Variants in TICAM2 observed in about 807,000 individuals in gnomAD.
TICAM2 encodes the protein TIR domain-containing adapter molecule 2.
A neutral mutation model predicts 7.3 loss-of-function variants in TICAM2; 8 were observed. The observed-to-expected ratio is 1.10, with a 90% CI of 0.65 to 1.99. TICAM2 has a LOEUF of 1.99. Ranked by LOEUF, TICAM2 falls within the 30% of genes most tolerant of loss-of-function variation. TICAM2 has a pLI of 0.00. For missense variants in TICAM2, 304 were observed against 278.8 expected, an observed-to-expected ratio of 1.09 and a Z score of -0.65; for synonymous variants, 113 against 99.6, an observed-to-expected ratio of 1.13 and a Z score of -0.80.
In TICAM2 at chr5:115,579,174, C is replaced by CA. The variant is rs1305037449; in HGVS notation, c.*1374dup. The CA allele has an allele frequency of 3.9e-5, 6 of 152,644 alleles. No homozygotes were observed. In the South Asian group the frequency reaches 1.2e-3, roughly 32 times the overall value. 9.5% of individuals were successfully genotyped at this position (152,644 alleles called of 1,614,324 possible). A position where few individuals can be genotyped will look rare whatever the true frequency, so the allele number is the denominator to read the frequency against. On this transcript the variant is annotated 3_prime_UTR_variant, in exon 2 of 2. Coordinates refer to ENST00000427199, the MANE Select transcript of TICAM2 (RefSeq NM_021649.7). Reference sequence around the variant, plus strand: ...AAAAATAAATTATGCTGTCAATATACAAAAAATATCTTTTCATTATAAGCA... The same window carrying CA: ...AAAAATAAATTATGCTGTCAATATACAAAAAAATATCTTTTCATTATAAGCA...
intron 1 of TICAM2, among the ~76,000 whole-genome samples, chr5:115,600,449 A>G (rs942767877): frequency 3.3e-5 from 5 of 152,226 alleles, no homozygotes; most frequent in African/African-American, 7.2e-5. Flanking sequence ...AAGTATGGCT[A>G]GAAAAATATG....
chr5:115,587,954 G>A (rs952432060), intron 1 of TICAM2, among the ~76,000 whole-genome samples: 1 of 152,130 alleles, frequency 6.6e-6, no homozygotes, highest in African/African-American at 2.4e-5. Flanking sequence ...GAACAGGAGT[G>A]GCCCAGGAAC....
In TICAM2 at chr5:115,581,082, G is replaced by C. The variant is rs1754905308; in HGVS notation, c.175C>G (p.Gln59Glu). The change falls in exon 2 of 2, where the codon CAG becomes GAG. Residue 59 changes from glutamine (Q) to glutamate (E), a missense_variant. Coordinates refer to ENST00000427199, the MANE Select transcript of TICAM2 (RefSeq NM_021649.7). ...TCTTCCACGCTCTGAGCTCCCTCCT[G>C]CTTTCCTGTTGGCCCCTCTGTTGTA... ...SNTTEGPTGK[Q>E]EGAQSVEEMF... The C allele has an allele frequency of 6.2e-7, 1 of 1,614,104 alleles. No individual in the cohort carries two copies. The highest frequency in any genetic ancestry group is 8.5e-7 in the Non-Finnish European group (1 of 1,180,012).
intron 1 of TICAM2, among the ~76,000 whole-genome samples, chr5:115,599,972 A>G (rs1434743266): frequency 2.0e-5 from 3 of 152,090 alleles, no homozygotes; most frequent in South Asian, 2.1e-4. Flanking sequence ...AAGACTGTAG[A>G]GGAGCAAGGG....
chr5:115,590,061 T>C (rs1472284929), intron 1 of TICAM2, among the ~76,000 whole-genome samples: 1 of 152,190 alleles, frequency 6.6e-6, no homozygotes, highest in East Asian at 1.9e-4. Flanking sequence ...ATTATGTGAA[T>C]ATAGGGTCTG....
At chr5:115,582,713 C>A (rs1334292887) in intron 1 of TICAM2, among the ~76,000 whole-genome samples, 1 of 152,132 alleles carries the variant, frequency 6.6e-6, no homozygotes, top group African/African-American at 2.4e-5. Context: ...AGACTATATT[C>A]CAGAGCATTT....
At chr5:115,599,657 C>A (rs996100248) in intron 1 of TICAM2, among the ~76,000 whole-genome samples, 3 of 152,118 alleles carry the variant, frequency 2.0e-5, no homozygotes, top group African/African-American at 7.2e-5. Flanking sequence ...CCTGAGGCAG[C>A]ATGCTAACAG....
chr5:115,580,415 T>G lies in TICAM2; in HGVS notation c.*134A>C. The stretch of plus-strand genomic sequence containing the variant: ...TAGGCTGTCCTGCAGAAATTTATCT[T>G]TCTTGTGCTCCATAGGTTTCTTTAA... On this transcript the variant is annotated 3_prime_UTR_variant, in exon 2 of 2. Coordinates refer to ENST00000427199, the MANE Select transcript of TICAM2 (RefSeq NM_021649.7). 8.6e-7 allele frequency: 1 copy of G among 1,167,986 alleles called. No individual in the cohort carries two copies. The highest frequency in any genetic ancestry group is 1.1e-6 in the Non-Finnish European group (1 of 893,936). 72.4% of individuals were successfully genotyped at this position (1,167,986 alleles called of 1,614,324 possible).
intron 1 of TICAM2, among the ~76,000 whole-genome samples, chr5:115,585,074 T>C (rs1436078520): frequency 6.6e-6 from 1 of 152,248 alleles, no homozygotes. Flanking sequence ...ATCTCCTTCC[T>C]GCTATAAAAT....
chr5:115,594,853 A>G (rs1014063338), intron 1 of TICAM2, among the ~76,000 whole-genome samples: 10 of 152,196 alleles, frequency 6.6e-5, no homozygotes, highest in Non-Finnish European at 1.0e-4. Flanking sequence ...GGATGAACTG[A>G]AATAAATGCT....
chr5:115,595,629 T>A (rs1050565265), intron 1 of TICAM2, among the ~76,000 whole-genome samples: 8 of 152,228 alleles, frequency 5.3e-5, no homozygotes, highest in Non-Finnish European at 1.2e-4. Flanking sequence ...AATACCCTAA[T>A]GCCTTCAAGA....
intron 1 of TICAM2, among the ~76,000 whole-genome samples, chr5:115,597,780 G>A (rs564091929): frequency 9.4e-4 from 143 of 152,226 alleles, no homozygotes; most frequent in Non-Finnish European, 1.3e-3. Flanking sequence ...CAGAGCCTGC[G>A]TATACAAAAA....
At chr5:115,584,344 C>T (rs761182519) in intron 1 of TICAM2, among the ~76,000 whole-genome samples, 9 of 152,088 alleles carry the variant, frequency 5.9e-5, no homozygotes, top group African/African-American at 9.7e-5. Context: ...CAGAGCTTTC[C>T]GTAACAGCGC....
At chr5:115,592,413 A>G (rs926356629) in intron 1 of TICAM2, among the ~76,000 whole-genome samples, 1 of 152,188 alleles carries the variant, frequency 6.6e-6, no homozygotes, top group Admixed American at 6.5e-5. Context: ...TACATAGGTA[A>G]ATGTGTGCCA....
At chr5:115,588,570 C>T (rs1464778906) in intron 1 of TICAM2, among the ~76,000 whole-genome samples, 1 of 152,178 alleles carries the variant, frequency 6.6e-6, no homozygotes, top group Non-Finnish European at 1.5e-5. Context: ...TTCTGTAGAT[C>T]TGCTGCAGTA....
In TICAM2 at chr5:115,595,618, TA is replaced by T. The variant is rs147284511; in HGVS notation, c.-60+6478del. Among the ~76,000 whole-genome samples, 1,047 of 152,360 alleles carry T rather than the reference TA, an allele frequency of 6.9e-3. 15 individuals carry two copies. Among genetic ancestry groups the T allele is most frequent in the African/African-American group, 0.024 (1,011 of 41,588 alleles). ...TTCTCTTGCTTAAAGATCCCTTTGA[TA>T]ATACCCTAATGCCTTCAAGAAAAAC... On this transcript the variant is annotated intron_variant, in intron 1 of 1. Transcript: ENST00000427199.
chr5:115,589,528 G>T (rs1160629141), intron 1 of TICAM2, among the ~76,000 whole-genome samples: 1 of 152,172 alleles, frequency 6.6e-6, no homozygotes, highest in Non-Finnish European at 1.5e-5. Flanking sequence ...AATAAGGATG[G>T]CAAAGGCCCA....
chr5:115,587,790 G>A (rs1307084224), intron 1 of TICAM2, among the ~76,000 whole-genome samples: 1 of 152,058 alleles, frequency 6.6e-6, no homozygotes, highest in Non-Finnish European at 1.5e-5. Flanking sequence ...TGTAGGTCTG[G>A]GGCATAAAAG....
At chr5:115,592,511 T>C (rs994587894) in intron 1 of TICAM2, among the ~76,000 whole-genome samples, 1 of 152,056 alleles carries the variant, frequency 6.6e-6, no homozygotes, top group Admixed American at 6.6e-5. Context: ...CTCTCAATTA[T>C]TATTAAAGAT....
Sources: allele counts gnomAD v4.1 joint callset (sites outside exome capture counted in the v4.1 genomes callset), GRCh38; gene constraint gnomAD v4.1.1; transcripts MANE v1.5; gene names NCBI Gene and HGNC (gene_info 2026-07-23, HGNC 2026-07-21).